Variants in TLE1 observed in about 807,000 individuals in gnomAD.
The protein encoded by TLE1 is TLE family member 1, transcriptional corepressor.
TLE1 carries 21 observed loss-of-function variants against 89.8 expected under a neutral mutation model. That is an observed-to-expected ratio of 0.23 (90% CI 0.17 to 0.34). TLE1 has a LOEUF of 0.34. Ranked by LOEUF, TLE1 falls within the 10% of genes least tolerant of loss-of-function variation. The pLI, the probability that TLE1 is intolerant of heterozygous loss-of-function variation, is 1.00. For synonymous variants in TLE1, 447 were observed against 407.6 expected, an observed-to-expected ratio of 1.10 and a Z score of -1.16; for missense variants, 795 against 1,031.2, an observed-to-expected ratio of 0.77 and a Z score of 3.14.
At chr9:81,636,672 A>T (rs957356157) in intron 6 of TLE1, among the ~76,000 whole-genome samples, 4 of 152,136 alleles carry the variant, frequency 2.6e-5, no homozygotes, top group South Asian at 4.1e-4. Context: ...TTCTTATGTC[A>T]GACCAAACAT....
In TLE1 at chr9:81,584,521, T is replaced by C. The variant is rs1828053598; in HGVS notation, c.2132A>G (p.Lys711Arg). ...VLSLKFAYCGKWFVSTGKDNL... is the reference protein window; with the variant it reads ...VLSLKFAYCGRWFVSTGKDNL... Reference sequence around the variant, plus strand: ...ATCTTTTCCAGTACTCACAAACCATTTACCTAGAATTAGCAAAGGAATATC... The same window carrying C: ...ATCTTTTCCAGTACTCACAAACCATCTACCTAGAATTAGCAAAGGAATATC... The change falls in exon 19 of 20, where the codon AAA (lysine) becomes AGA (arginine). Residue 711 changes from lysine to arginine, a missense_variant. By Grantham distance (26) the Lys-to-Arg change is conservative (BLOSUM62 2). Coordinates refer to ENST00000376499, the MANE Select transcript of TLE1 (RefSeq NM_005077.5). 4 of 1,613,878 alleles carry C rather than the reference T, an allele frequency of 2.5e-6. No individual in the cohort carries two copies. Among genetic ancestry groups the C allele is most frequent in the African/African-American group, 1.3e-5 (1 of 74,896 alleles).
intron 4 of TLE1, among the ~76,000 whole-genome samples, chr9:81,657,533 A>G (rs1564037123): frequency 6.6e-6 from 1 of 152,192 alleles, no homozygotes; most frequent in Non-Finnish European, 1.5e-5. Flanking sequence ...AGACTTGAAC[A>G]TGGTCGGAGG....
chr9:81,674,190 A>T (rs1220916665), intron 4 of TLE1, among the ~76,000 whole-genome samples: 1 of 152,194 alleles, frequency 6.6e-6, no homozygotes, highest in African/African-American at 2.4e-5. Flanking sequence ...CAAACTGCTA[A>T]ACAAGCAGTA....
At chr9:81,638,490 C>A (rs1431872618) in intron 6 of TLE1, among the ~76,000 whole-genome samples, 1 of 152,156 alleles carries the variant, frequency 6.6e-6, no homozygotes, top group East Asian at 1.9e-4. Context: ...ACAAGGCTTA[C>A]CTGAGACAAT....
chr9:81,615,727 A>G (rs183820729), intron 11 of TLE1, among the ~76,000 whole-genome samples: 15,495 of 146,510 alleles, frequency 0.11, 1,075 homozygotes, highest in Non-Finnish European at 0.16. Context: ...AAAAAAAAAA[A>G]AAGAAGAAGA....
At chr9:81,601,234 G>A (rs150519344) in intron 14 of TLE1, among the ~76,000 whole-genome samples, 48 of 152,294 alleles carry the variant, frequency 3.2e-4, no homozygotes, top group Middle Eastern at 3.4e-3. Flanking sequence ...GGTGAAAGGG[G>A]GAAGCCCCCG....
intron 7 of TLE1, 25 bp from the exon 8 acceptor site, chr9:81,633,389 GCA>G (rs774566236): frequency 7.4e-6 from 12 of 1,612,516 alleles, no homozygotes; most frequent in Admixed American, 1.7e-5. Flanking sequence ...ACCAAGAAAC[GCA>G]CAGACATGCC....
At chr9:81,687,226 G>T (rs565891271) in intron 2 of TLE1, 108 bp downstream of exon 2, 8 of 868,826 alleles carry the variant, frequency 9.2e-6, no homozygotes, top group Non-Finnish European at 1.4e-5. Flanking sequence ...GACTCCACAC[G>T]CCACCGCCTG....
chr9:81,654,977 C>T (rs1038357790), intron 4 of TLE1, among the ~76,000 whole-genome samples: 1 of 152,122 alleles, frequency 6.6e-6, no homozygotes, highest in Non-Finnish European at 1.5e-5. Flanking sequence ...CGCCACAGTT[C>T]AGTAACAAAC....
intron 16 of TLE1, among the ~76,000 whole-genome samples, chr9:81,588,706 A>G (rs1419093871): frequency 2.0e-5 from 3 of 152,072 alleles, no homozygotes; most frequent in Non-Finnish European, 4.4e-5. Flanking sequence ...TGACTGGTGG[A>G]CTCAGTTCTG....
intron 4 of TLE1, among the ~76,000 whole-genome samples, chr9:81,656,765 T>C (rs891807501): frequency 1.5e-4 from 23 of 152,234 alleles, no homozygotes; most frequent in Admixed American, 5.2e-4. Context: ...AGCATATAGA[T>C]GTCTAAGTAC....
intron 6 of TLE1, among the ~76,000 whole-genome samples, chr9:81,645,435 A>G (rs896400857): frequency 5.9e-5 from 9 of 151,564 alleles, no homozygotes; most frequent in Admixed American, 1.3e-4. Context: ...GTGTCATTAG[A>G]TTGTAACACA....
chr9:81,593,056 T>C lies in TLE1; in HGVS notation c.1550A>G (p.Asn517Ser), dbSNP rs1363243195. Residue 517 changes from asparagine to serine, a missense_variant, in exon 15 of 20, where the codon AAT (asparagine) becomes AGT (serine). By Grantham distance (46) the Asn-to-Ser change is conservative. Coordinates refer to ENST00000376499, the MANE Select transcript of TLE1 (RefSeq NM_005077.5). The stretch of plus-strand genomic sequence containing the variant: ...GTCGAGCTGGGAGACAGGGCTCTTA[T>C]TGCCAGGGTGGCTGATGTCCCAGAC... The part of the protein sequence containing the change: ...VKVWDISHPG[N>S]KSPVSQLDCL... 15 of 1,613,802 alleles carry C rather than the reference T, an allele frequency of 9.3e-6. 1 individual carries two copies. Among genetic ancestry groups the C allele is most frequent in the African/African-American group, 8.0e-5 (6 of 74,898 alleles).
rs996283924 is a variant in TLE1 at position 81,628,183 on chromosome 9, G to C, written c.594+5165C>G. On this transcript the variant is annotated intron_variant, in intron 8 of 19. Coordinates refer to ENST00000376499, the MANE Select transcript of TLE1 (RefSeq NM_005077.5). ...TACTCTGCAAATGGCGGTGGGAGGAGGGCATTCCCTAAGCACCTTCTATGC... is the reference window on the plus strand; with the variant it reads ...TACTCTGCAAATGGCGGTGGGAGGACGGCATTCCCTAAGCACCTTCTATGC... 2.0e-5 allele frequency among the ~76,000 whole-genome samples: 3 copies of C among 152,254 alleles called. No homozygotes were observed. In the East Asian group the frequency reaches 5.8e-4, roughly 29 times the overall value.
intron 14 of TLE1, among the ~76,000 whole-genome samples, chr9:81,593,724 T>C (rs1408334956): frequency 1.3e-5 from 2 of 152,176 alleles, no homozygotes; most frequent in Admixed American, 6.5e-5. Context: ...AGTAGATATA[T>C]TTCAACAGCA....
chr9:81,601,855 A>T (rs1830967340), intron 14 of TLE1, among the ~76,000 whole-genome samples: 1 of 152,178 alleles, frequency 6.6e-6, no homozygotes, highest in Non-Finnish European at 1.5e-5. Flanking sequence ...GATCTTACAC[A>T]ATCCTGGACC....
At chr9:81,646,336 C>T (rs939816960) in intron 6 of TLE1, among the ~76,000 whole-genome samples, 3 of 152,156 alleles carry the variant, frequency 2.0e-5, no homozygotes, top group African/African-American at 4.8e-5. Context: ...TGCAATATTG[C>T]TCTTTCCCTT....
rs116651736 is a variant in TLE1 at position 81,630,730 on chromosome 9, C to T, written c.594+2618G>A. On this transcript the variant is annotated intron_variant, in intron 8 of 19. Transcript: ENST00000376499. Reference sequence around the variant, plus strand: ...ACTTAATCTGCCAAGTAAAATTAGACTTTCTAATTCAAACCACTTTATTAA... The same window carrying T: ...ACTTAATCTGCCAAGTAAAATTAGATTTTCTAATTCAAACCACTTTATTAA... Among the ~76,000 whole-genome samples, 448 of 152,312 alleles carry T rather than the reference C, an allele frequency of 2.9e-3. 2 individuals carry two copies. The highest frequency in any genetic ancestry group is 0.01 in the African/African-American group (429 of 41,570).
chr9:81,605,700 T>C (rs60057436), intron 14 of TLE1, among the ~76,000 whole-genome samples: 10,384 of 151,840 alleles, frequency 0.068, 1,087 homozygotes, highest in African/African-American at 0.23. Context: ...ATTCAGGACA[T>C]AGGCATGGGC....
Sources: gnomAD v4.1 joint callset for allele counts (sites outside exome capture counted in the v4.1 genomes callset) on GRCh38, gnomAD v4.1.1 for gene constraint, MANE v1.5 for transcripts, NCBI Gene and HGNC (gene_info 2026-07-23, HGNC 2026-07-21) for gene names.